Variants in PTBP2 observed in about 807,000 individuals in gnomAD.
PTBP2 encodes the protein polypyrimidine tract binding protein 2, also known as polypyrimidine tract-binding protein 2.
Under a neutral mutation model 61.4 loss-of-function variants are expected in PTBP2, and 13 were observed. That is an observed-to-expected ratio of 0.21 (90% CI 0.14 to 0.34). PTBP2 has a LOEUF of 0.34. Ranked by LOEUF, PTBP2 falls within the 10% of genes least tolerant of loss-of-function variation. The pLI, the probability that PTBP2 is intolerant of heterozygous loss-of-function variation, is 1.00. For missense variants in PTBP2, 405 were observed against 642.6 expected, an observed-to-expected ratio of 0.63 and a Z score of 4.00; for synonymous variants, 215 against 218.5, an observed-to-expected ratio of 0.98 and a Z score of 0.14.
At chr1:96,799,706 C>T (rs1400498749) in intron 8 of PTBP2, among the ~76,000 whole-genome samples, 1 of 152,078 alleles carries the variant, frequency 6.6e-6, no homozygotes, top group Non-Finnish European at 1.5e-5. Flanking sequence ...CTTTCTATAA[C>T]TTTCTCAAAG....
At chr1:96,763,326 G>A (rs1421879989) in intron 3 of PTBP2, among the ~76,000 whole-genome samples, 3 of 152,126 alleles carry the variant, frequency 2.0e-5, no homozygotes, top group Non-Finnish European at 2.9e-5. Flanking sequence ...CTGCAATTCC[G>A]GCACCTCGGG....
intron 8 of PTBP2, among the ~76,000 whole-genome samples, chr1:96,793,840 T>C (rs555219968): frequency 1.3e-5 from 2 of 152,294 alleles, no homozygotes; most frequent in African/African-American, 4.8e-5. Context: ...AAAGGAAATA[T>C]GTTTGATGGT....
Position 96,762,589 on chromosome 1 carries a change from A to AG in PTBP2, c.116-7110dup, listed in dbSNP as rs1656083433. ...CCGGACGGGGCGGCTGGCCGGGCAG[A>AG]GGGGCTCCTCACTTCCCAGTAGGGG... On this transcript the variant is annotated intron_variant, in intron 3 of 13. Transcript: ENST00000674951. Among the ~76,000 whole-genome samples, 3 of 138,554 alleles carry AG rather than the reference A, an allele frequency of 2.2e-5. No individual in the cohort carries two copies. In the South Asian group the frequency reaches 6.9e-4, roughly 32 times the overall value. 90.9% of individuals were successfully genotyped at this position (138,554 alleles called of 152,430 possible).
At chr1:96,725,051 A>G (rs918288085) in intron 2 of PTBP2, among the ~76,000 whole-genome samples, 1 of 152,274 alleles carries the variant, frequency 6.6e-6, no homozygotes, top group East Asian at 1.9e-4. Context: ...TGGTGATAGT[A>G]TTTTCCAAGT....
At chr1:96,730,973 A>G (rs1449104729) in intron 2 of PTBP2, among the ~76,000 whole-genome samples, 1 of 152,052 alleles carries the variant, frequency 6.6e-6, no homozygotes, top group African/African-American at 2.4e-5. Flanking sequence ...AATCTGGGTC[A>G]TGTTATTCTG....
At chr1:96,765,099 C>A (rs183350958) in intron 3 of PTBP2, among the ~76,000 whole-genome samples, 1 of 152,018 alleles carries the variant, frequency 6.6e-6, no homozygotes, top group Non-Finnish European at 1.5e-5. Flanking sequence ...TAGCAGCATT[C>A]ATTTTTTTTT....
chr1:96,736,667 T>A (rs1323450865), intron 2 of PTBP2, among the ~76,000 whole-genome samples: 1 of 152,134 alleles, frequency 6.6e-6, no homozygotes, highest in African/African-American at 2.4e-5. Flanking sequence ...ACATTATGTG[T>A]GTTGCCTTTT....
intron 11 of PTBP2, among the ~76,000 whole-genome samples, chr1:96,809,063 T>G (rs1372171675): frequency 6.6e-6 from 1 of 152,182 alleles, no homozygotes; most frequent in East Asian, 1.9e-4. Flanking sequence ...GATAAAGGAT[T>G]TAGTTCACTA....
At chr1:96,747,392 CT>C in intron 2 of PTBP2, among the ~76,000 whole-genome samples, 1 of 152,036 alleles carries the variant, frequency 6.6e-6, no homozygotes, top group East Asian at 1.9e-4. Context: ...TTTCTTGTGT[CT>C]TAATTTAAAA....
At chr1:96,780,843 C>T (rs1308821441) in intron 7 of PTBP2, among the ~76,000 whole-genome samples, 4 of 151,942 alleles carry the variant, frequency 2.6e-5, no homozygotes, top group Non-Finnish European at 2.9e-5. Context: ...TTTTGGTGTC[C>T]GCTGTGTTAG....
In PTBP2 at chr1:96,813,591, G is replaced by T; in HGVS notation, c.*186G>T. On this transcript the variant is annotated 3_prime_UTR_variant, in exon 14 of 14. Transcript: ENST00000674951. ...AAATGGCATATGTAAAGGCAGAGTT[G>T]TTAACTGCTATATTTCATCTGTTCT... 1 of 372,324 alleles carries T rather than the reference G, an allele frequency of 2.7e-6. No homozygotes were observed. Among genetic ancestry groups the T allele is most frequent in the South Asian group, 9.2e-5 (1 of 10,834 alleles). The allele number at this position is 372,324 out of a possible 1,614,324, so 23.1% of individuals were successfully genotyped here.
chr1:96,821,953 G>A (rs138872928), exon 14 of PTBP2: 1 of 152,246 alleles, frequency 6.6e-6, no homozygotes, highest in East Asian at 1.9e-4. Context: ...AACCTCTTGA[G>A]AGTCTTTAAT....
At chr1:96,795,478 A>T (rs186165372) in intron 8 of PTBP2, among the ~76,000 whole-genome samples, 43 of 152,268 alleles carry the variant, frequency 2.8e-4, no homozygotes, top group Admixed American at 7.8e-4. Flanking sequence ...GAGGCCAGAG[A>T]TGTGATATTT....
chr1:96,791,826 C>CTT (rs1163642886), intron 8 of PTBP2, among the ~76,000 whole-genome samples: 2,172 of 65,938 alleles, frequency 0.033, 115 homozygotes, highest in South Asian at 0.079. Context: ...TGGAGTTGTG[C>CTT]TTTTTTTTTT....
chr1:96,795,103 TAAG>T, intron 8 of PTBP2, among the ~76,000 whole-genome samples: 1 of 152,136 alleles, frequency 6.6e-6, no homozygotes, highest in East Asian at 1.9e-4. Context: ...GGGGATGAGT[TAAG>T]AACCACTGCT....
chr1:96,755,127 T>C (rs1655012171), intron 3 of PTBP2, among the ~76,000 whole-genome samples: 1 of 152,142 alleles, frequency 6.6e-6, no homozygotes, highest in Non-Finnish European at 1.5e-5. Context: ...TATTAAAAGA[T>C]TCAGTATATG....
chr1:96,736,680 T>C (rs1025505747), intron 2 of PTBP2, among the ~76,000 whole-genome samples: 2 of 152,156 alleles, frequency 1.3e-5, no homozygotes, highest in Admixed American at 1.3e-4. Context: ...TGCCTTTTCC[T>C]CTTTTTTCCT....
At chr1:96,802,825 A>G (rs563634782) in intron 8 of PTBP2, among the ~76,000 whole-genome samples, 11 of 152,364 alleles carry the variant, frequency 7.2e-5, no homozygotes, top group African/African-American at 2.4e-4. Context: ...ATGTAACAAT[A>G]TAATGACTAC....
At chr1:96,782,884 T>C (rs1381891579) in intron 7 of PTBP2, among the ~76,000 whole-genome samples, 1 of 152,064 alleles carries the variant, frequency 6.6e-6, no homozygotes, top group East Asian at 1.9e-4. Context: ...GCCTAATATC[T>C]TTCCTGTGTT....
Sources: allele counts gnomAD v4.1 joint callset (sites outside exome capture counted in the v4.1 genomes callset), GRCh38; gene constraint gnomAD v4.1.1; transcripts MANE v1.5; gene names NCBI Gene and HGNC (gene_info 2026-07-23, HGNC 2026-07-21).